SMIM31: variants seen among roughly 807,000 people sequenced by gnomAD.
The protein encoded by SMIM31 is human epithelial cell program regulator.
intron 2 of SMIM31, among the ~76,000 whole-genome samples, chr4:164,792,263 A>G (rs1733111704): frequency 6.6e-6 from 1 of 151,798 alleles, no homozygotes; most frequent in South Asian, 2.1e-4. Context: ...AAAGCTGTCT[A>G]AAAAGGGGGA....
At position 164,762,678 on chromosome 4, in the gene SMIM31, A is replaced by AAAAAAG. The variant is rs1182226763; in HGVS notation, c.-25-7719_-25-7714dup. ...ACTCTGTCTCAAAAAAAAAAAAAAA[A>AAAAAAG]AAAAAGAAAAAGAAAAAGAAAAAGA... On this transcript the variant is annotated intron_variant, in intron 1 of 2. Transcript: ENST00000507311. 2.7e-4 allele frequency among the ~76,000 whole-genome samples: 38 copies of AAAAAAG among 138,336 alleles called. No individual in the cohort carries two copies. The South Asian group carries it at 8.6e-3, about 31-fold the overall frequency. The allele number at this position is 138,336 out of a possible 152,430, so 90.8% of individuals were successfully genotyped here.
chr4:164,801,093 G>A lies in SMIM31; in HGVS notation c.115G>A (p.Glu39Lys). 2.5e-6 allele frequency: 1 copy of A among 398,528 alleles called. No homozygotes were observed. Among genetic ancestry groups the A allele is most frequent in the South Asian group, 1.3e-4 (1 of 7,828 alleles). The allele number at this position is 398,528 out of a possible 1,614,324, so 24.7% of individuals were successfully genotyped here. ...TTCTAAATTCTTTCTTATTGCAGAG[G>A]AAGAACATGAAAAAAAGGGAAGGGA... Reference protein sequence around the residue: ...YTTPDDSNEEEEHEKKGREKK... With the variant: ...YTTPDDSNEEKEHEKKGREKK... Residue 39 changes from glutamate (E) to lysine (K), a missense_variant and splice_region_variant, in exon 3 of 3, where the codon GAA becomes AAA. Coordinates refer to ENST00000507311, the MANE Select transcript of SMIM31 (RefSeq NM_001352885.1).
rs574266472 is a variant in SMIM31, at chr4:164,782,524, G to A, written c.112+11969G>A. On this transcript the variant is annotated intron_variant, in intron 2 of 2. Transcript: ENST00000507311. ...CTCCCGAGTAGCTGGGACTACAGGCGCCCCCCACCACGCCCGGCTAATTTT... is the reference window on the plus strand; with the variant it reads ...CTCCCGAGTAGCTGGGACTACAGGCACCCCCCACCACGCCCGGCTAATTTT... Among the ~76,000 whole-genome samples, 237 of 149,118 alleles carry A rather than the reference G, an allele frequency of 1.6e-3. 2 individuals are homozygous for A. The highest frequency in any genetic ancestry group is 5.7e-3 in the African/African-American group (226 of 39,580).
intron 2 of SMIM31, among the ~76,000 whole-genome samples, chr4:164,794,869 C>T (rs1223813707): frequency 1.3e-5 from 2 of 151,206 alleles, no homozygotes; most frequent in Non-Finnish European, 2.9e-5. Flanking sequence ...TATAGAGATA[C>T]ACAGAGAGGA....
At chr4:164,766,066 C>T (rs1732716917) in intron 1 of SMIM31, among the ~76,000 whole-genome samples, 1 of 152,122 alleles carries the variant, frequency 6.6e-6, no homozygotes, top group Non-Finnish European at 1.5e-5. Flanking sequence ...GAGCAGTGAG[C>T]TCTGTCAGCA....
At chr4:164,763,544 T>A (rs1732678957) in intron 1 of SMIM31, among the ~76,000 whole-genome samples, 1 of 152,192 alleles carries the variant, frequency 6.6e-6, no homozygotes, top group South Asian at 2.1e-4. Flanking sequence ...GAATTTCTAG[T>A]GACACAGAAA....
intron 1 of SMIM31, among the ~76,000 whole-genome samples, chr4:164,760,091 G>A (rs573605577): frequency 2.6e-4 from 40 of 152,278 alleles, no homozygotes; most frequent in African/African-American, 9.4e-4. Context: ...AGGAGCAAAA[G>A]CCAGGAGGAT....
At chr4:164,792,251 T>G (rs768953588) in intron 2 of SMIM31, among the ~76,000 whole-genome samples, 2 of 152,182 alleles carry the variant, frequency 1.3e-5, no homozygotes, top group Non-Finnish European at 2.9e-5. Flanking sequence ...AGCGGTTTCT[T>G]GAAAGCTGTC....
At chr4:164,763,813 A>G (rs902960785) in intron 1 of SMIM31, among the ~76,000 whole-genome samples, 3 of 152,226 alleles carry the variant, frequency 2.0e-5, no homozygotes, top group Admixed American at 6.5e-5. Flanking sequence ...GTGTGTGTAT[A>G]TATGAAAAAA....
At chr4:164,758,233 T>A (rs1732592785) in intron 1 of SMIM31, among the ~76,000 whole-genome samples, 1 of 152,180 alleles carries the variant, frequency 6.6e-6, no homozygotes. Context: ...TGACTTTGTA[T>A]CCTAAGATGT....
At chr4:164,771,937 C>T (rs761416872) in intron 2 of SMIM31, among the ~76,000 whole-genome samples, 2 of 152,130 alleles carry the variant, frequency 1.3e-5, no homozygotes, top group Non-Finnish European at 2.9e-5. Context: ...TGAAGCAGGG[C>T]TGATTTTCCC....
At chr4:164,786,248 G>T (rs113671277) in intron 2 of SMIM31, among the ~76,000 whole-genome samples, 1 of 152,186 alleles carries the variant, frequency 6.6e-6, no homozygotes, top group Non-Finnish European at 1.5e-5. Flanking sequence ...CCAGCCAGCA[G>T]TTACAGCCTT....
chr4:164,780,341 T>C (rs1369898624), intron 2 of SMIM31, among the ~76,000 whole-genome samples: 5 of 152,154 alleles, frequency 3.3e-5, no homozygotes, highest in East Asian at 1.9e-4. Flanking sequence ...GCAGGAGAAC[T>C]GCTTGAACTC....
At chr4:164,778,058 C>T (rs965635715) in intron 2 of SMIM31, among the ~76,000 whole-genome samples, 12 of 152,252 alleles carry the variant, frequency 7.9e-5, no homozygotes, top group African/African-American at 2.6e-4. Flanking sequence ...AGATCCCTAC[C>T]GTTTTTTCAA....
chr4:164,785,158 G>A (rs1013849419), intron 2 of SMIM31, among the ~76,000 whole-genome samples: 8 of 151,744 alleles, frequency 5.3e-5, no homozygotes, highest in East Asian at 1.9e-4. Flanking sequence ...CCCAGGAGGC[G>A]GAGGTTGCGG....
chr4:164,777,050 T>G (rs1265066262), intron 2 of SMIM31, among the ~76,000 whole-genome samples: 2 of 152,328 alleles, frequency 1.3e-5, no homozygotes, highest in South Asian at 2.1e-4. Context: ...ATATGGGCTA[T>G]TCATAAACCT....
intron 2 of SMIM31, among the ~76,000 whole-genome samples, chr4:164,774,194 A>G (rs1732852224): frequency 6.6e-6 from 1 of 151,244 alleles, no homozygotes; most frequent in Non-Finnish European, 1.5e-5. Context: ...AAGGTTCATC[A>G]TCATGAAAAA....
chr4:164,771,489 C>T (rs752114390), intron 2 of SMIM31, among the ~76,000 whole-genome samples: 50 of 152,232 alleles, frequency 3.3e-4, no homozygotes, highest in South Asian at 8.3e-4. Flanking sequence ...TGGTTCTTTC[C>T]ATCTTCGACA....
chr4:164,763,405 G>A (rs750963704), intron 1 of SMIM31, among the ~76,000 whole-genome samples: 1 of 152,072 alleles, frequency 6.6e-6, no homozygotes, highest in Non-Finnish European at 1.5e-5. Context: ...CATCAGGAAG[G>A]ATGAGAATGT....
Sources: allele counts gnomAD v4.1 joint callset (sites outside exome capture counted in the v4.1 genomes callset), GRCh38; gene constraint gnomAD v4.1.1; transcripts MANE v1.5; gene names NCBI Gene and HGNC (gene_info 2026-07-23, HGNC 2026-07-21).